The following TEX36 variants were observed in gnomAD, a reference collection of about 807,000 sequenced individuals.
TEX36 encodes the protein testis-expressed protein 36.
In TEX36, 12 loss-of-function variants were observed where a neutral mutation model predicts 13.6. The ratio of observed to expected loss-of-function variants is 0.88; its 90% CI spans 0.56 to 1.43. The LOEUF is 1.43. TEX36 is among the 40% of genes most tolerant of loss of function. TEX36 has a pLI of 0.00. For missense variants in TEX36, 224 were observed against 228.3 expected (o/e 0.98, Z 0.12); for synonymous variants, 93 against 83.0 (o/e 1.12, Z -0.65).
At chr10:125,663,897 A>G (rs753733720) in intron 1 of TEX36, among the ~76,000 whole-genome samples, 2 of 152,202 alleles carry the variant, frequency 1.3e-5, no homozygotes, top group Non-Finnish European at 2.9e-5. Context: ...ACAATAGATT[A>G]TGATTGACTG....
At chr10:125,640,035 G>C (rs920077170) in intron 3 of TEX36, 3 of 369,516 alleles carry the variant, frequency 8.1e-6, no homozygotes, top group African/African-American at 6.6e-5. Context: ...AGCAGAGAAG[G>C]CGTAGTATTC....
intron 3 of TEX36, among the ~76,000 whole-genome samples, chr10:125,592,499 C>T (rs1316132652): frequency 6.6e-6 from 1 of 152,170 alleles, no homozygotes; most frequent in Non-Finnish European, 1.5e-5. Context: ...TACTTTCTTA[C>T]ACAGTCACTC....
rs751386646 is a variant in TEX36, at chr10:125,667,212, G to C, written c.52-5235C>G. 9.4e-6 allele frequency: 6 copies of C among 640,048 alleles called. No homozygotes were observed. The Admixed American group carries it at 9.4e-5, about 10-fold the overall frequency. The allele number at this position is 640,048 out of a possible 1,614,324, so 39.6% of individuals were successfully genotyped here. A position where few individuals can be genotyped will look rare whatever the true frequency, so the allele number is the denominator to read the frequency against. On this transcript the variant is annotated intron_variant, in intron 1 of 3. Transcript: ENST00000368821. ...TGACAGTCACCATGGCAATCTCCTC[G>C]TGAGAAAACTTCTGGATGCAGGGAT...
chr10:125,670,530 C>G (rs1847206924), intron 1 of TEX36, among the ~76,000 whole-genome samples: 1 of 152,122 alleles, frequency 6.6e-6, no homozygotes, highest in South Asian at 2.1e-4. Context: ...TTCTCTCATT[C>G]TGTAGGTTGC....
intron 3 of TEX36, among the ~76,000 whole-genome samples, chr10:125,610,010 A>C (rs1327825846): frequency 6.6e-6 from 1 of 152,242 alleles, no homozygotes; most frequent in Admixed American, 6.5e-5. Flanking sequence ...TTATGCGTTT[A>C]TTATAATACA....
At chr10:125,582,541 C>A (rs1845895767) in intron 3 of TEX36, among the ~76,000 whole-genome samples, 1 of 152,174 alleles carries the variant, frequency 6.6e-6, no homozygotes, top group Non-Finnish European at 1.5e-5. Flanking sequence ...AAAGTGGTGG[C>A]CAAGTGCACT....
chr10:125,672,073 A>G (rs1847241284), intron 1 of TEX36, among the ~76,000 whole-genome samples: 1 of 151,414 alleles, frequency 6.6e-6, no homozygotes, highest in African/African-American at 2.5e-5. Context: ...TTTTCAAAAA[A>G]ACCACCTCCT....
intron 3 of TEX36, among the ~76,000 whole-genome samples, chr10:125,659,425 G>C (rs1353427333): frequency 6.6e-6 from 1 of 152,166 alleles, no homozygotes; most frequent in African/African-American, 2.4e-5. Context: ...AATCGTCAAG[G>C]TCAGATTGTG....
At chr10:125,633,248 A>T (rs1490447763) in intron 3 of TEX36, among the ~76,000 whole-genome samples, 1 of 152,210 alleles carries the variant, frequency 6.6e-6, no homozygotes, top group Non-Finnish European at 1.5e-5. Flanking sequence ...GAAAGACCTG[A>T]TGAGAGATGA....
intron 3 of TEX36, among the ~76,000 whole-genome samples, chr10:125,603,425 G>A (rs1433543834): frequency 6.6e-6 from 1 of 151,848 alleles, no homozygotes; most frequent in Non-Finnish European, 1.5e-5. Flanking sequence ...TCCGCCCGTT[G>A]CCTGAGCCCA....
chr10:125,651,512 T>G (rs144744131), downstream of TEX36, among the ~76,000 whole-genome samples: 3,126 of 152,192 alleles, frequency 0.021, 104 homozygotes, highest in African/African-American at 0.072. Flanking sequence ...TAATAAGAGC[T>G]ATTTATGACA....
At chr10:125,606,015 C>T (rs149173602) in intron 3 of TEX36, among the ~76,000 whole-genome samples, 309 of 152,260 alleles carry the variant, frequency 2.0e-3, no homozygotes, top group Non-Finnish European at 3.3e-3. Context: ...ATTCATCTAC[C>T]GAGCTTTTAT....
intron 3 of TEX36, among the ~76,000 whole-genome samples, chr10:125,643,596 G>A (rs1276881661): frequency 6.6e-6 from 1 of 152,214 alleles, no homozygotes; most frequent in African/African-American, 2.4e-5. Flanking sequence ...CAAAAAATTA[G>A]CCAGGCTTGG....
In TEX36 at chr10:125,645,560, T is replaced by A. The variant is rs1390133134; in HGVS notation, c.264+15461A>T. On this transcript the variant is annotated intron_variant, in intron 3 of 3. Transcript: ENST00000526819. Reference sequence around the variant, plus strand: ...CTCTGGACTTCTCAGCCTCCATAACTGTAAGAAATAAATTTCTTTTCCTTA... The same window carrying A: ...CTCTGGACTTCTCAGCCTCCATAACAGTAAGAAATAAATTTCTTTTCCTTA... 3.3e-5 allele frequency among the ~76,000 whole-genome samples: 5 copies of A among 152,192 alleles called. No individual in the cohort carries two copies. In the East Asian group the frequency reaches 9.6e-4, roughly 29 times the overall value.
rs1397124571 is a variant in TEX36, at chr10:125,613,216, C to G, written c.265-36342G>C. On this transcript the variant is annotated intron_variant, in intron 3 of 3. Transcript: ENST00000532135. ...TTCTCTAGGTCTCATTTCCCCACTT[C>G]CTTTTTTTTTTTTTTTTTGACATCT... is the stretch of plus-strand genomic sequence containing the variant. Among the ~76,000 whole-genome samples the G allele has an allele frequency of 1.5e-3, 167 of 109,382 alleles. 1 individual carries two copies. The highest frequency in any genetic ancestry group is 6.8e-3 in the African/African-American group (160 of 23,412). The allele number at this position is 109,382 out of a possible 152,430, so 71.8% of individuals were successfully genotyped here. A position where few individuals can be genotyped will look rare whatever the true frequency, so the allele number is the denominator to read the frequency against.
At chr10:125,673,002 T>C (rs1033187652) in intron 1 of TEX36, among the ~76,000 whole-genome samples, 8 of 152,216 alleles carry the variant, frequency 5.3e-5, no homozygotes, top group African/African-American at 1.9e-4. Context: ...CATCTCTTTA[T>C]TTTGAGGCTA....
At chr10:125,618,942 T>TAAAAAAAAAAAAAAAAAA (rs11452140), downstream of TEX36, among the ~76,000 whole-genome samples, 1 of 43,586 alleles carries the variant, frequency 2.3e-5, no homozygotes, top group African/African-American at 9.9e-5. Context: ...CCGTCTCTAC[T>TAAAAAAAAAAAAAAAAAA]AAAAAAAAAA....
chr10:125,634,451 C>T (rs1352114133), intron 3 of TEX36, among the ~76,000 whole-genome samples: 1 of 152,152 alleles, frequency 6.6e-6, no homozygotes, highest in Non-Finnish European at 1.5e-5. Flanking sequence ...TTGCTTTGGG[C>T]ACTTTTCCTT....
chr10:125,621,284 C>T (rs1846427106), downstream of TEX36, among the ~76,000 whole-genome samples: 2 of 152,086 alleles, frequency 1.3e-5, no homozygotes, highest in African/African-American at 4.8e-5. Context: ...GTGTGTTAAG[C>T]AGTCACACCA....
Sources: gnomAD v4.1 joint callset for allele counts (sites outside exome capture counted in the v4.1 genomes callset) on GRCh38, gnomAD v4.1.1 for gene constraint, MANE v1.5 for transcripts, NCBI Gene and HGNC (gene_info 2026-07-23, HGNC 2026-07-21) for gene names.